The following CCDC15 variants were observed in gnomAD, a reference collection of about 807,000 sequenced individuals.
CCDC15 encodes the protein coiled-coil domain containing 15, also known as coiled-coil domain-containing protein 15.
A neutral mutation model predicts 114.5 loss-of-function variants in CCDC15; 105 were observed. That is an observed-to-expected ratio of 0.92 (90% confidence interval 0.78 to 1.08). The LOEUF (loss-of-function observed/expected upper bound fraction) is 1.08, where lower values mean the gene tolerates loss of function less well. Ranked by LOEUF, CCDC15 falls within the 50% of genes least tolerant of loss-of-function variation. The probability of loss-of-function intolerance (pLI) is 0.00; values close to 1 mark genes in which losing one functional copy is unlikely to be tolerated. For missense variants in CCDC15, 1,105 were observed against 1,093.6 expected, an observed-to-expected ratio of 1.01 and a Z score of -0.15; for synonymous variants, 334 against 377.8, an observed-to-expected ratio of 0.88 and a Z score of 1.34.
intron 2 of CCDC15, among the ~76,000 whole-genome samples, chr11:124,955,286 C>T (rs968061159): frequency 6.6e-6 from 1 of 152,130 alleles, no homozygotes; most frequent in African/African-American, 2.4e-5. Flanking sequence ...TGGCATACTT[C>T]AAGTAACATT....
At chr11:125,025,114 G>GAATATATA (rs1948691335) in intron 13 of CCDC15, among the ~76,000 whole-genome samples, 1 of 86,850 alleles carries the variant, frequency 1.2e-5, no homozygotes, top group South Asian at 3.1e-4. Context: ...ATGAATATAT[G>GAATATATA]TGAGTATATA....
chr11:124,967,061 C>G (rs993046812), intron 4 of CCDC15, among the ~76,000 whole-genome samples: 1 of 152,152 alleles, frequency 6.6e-6, no homozygotes, highest in Non-Finnish European at 1.5e-5. Flanking sequence ...CTCTGGCTGA[C>G]CTTAACATTT....
At chr11:124,975,474 A>T (rs1295296385) in intron 5 of CCDC15, among the ~76,000 whole-genome samples, 1 of 152,172 alleles carries the variant, frequency 6.6e-6, no homozygotes, top group African/African-American at 2.4e-5. Flanking sequence ...GTATGATATG[A>T]TCTTAATTAA....
chr11:124,968,794 C>T (rs77878825), intron 4 of CCDC15, among the ~76,000 whole-genome samples: 7,733 of 152,154 alleles, frequency 0.051, 221 homozygotes, highest in Middle Eastern at 0.082. Context: ...TTGGAATGGA[C>T]CCCCCAATTC....
rs906108875 is a variant in CCDC15 at position 124,966,463 on chromosome 11, C to CT, written c.516+6471dup. Among the ~76,000 whole-genome samples, 1,167 of 137,868 alleles carry CT rather than the reference C, an allele frequency of 8.5e-3. 16 individuals carry two copies. Among genetic ancestry groups the CT allele is most frequent in the Admixed American group, 0.028 (401 of 14,130 alleles). 90.4% of individuals were successfully genotyped at this position (137,868 alleles called of 152,430 possible). On this transcript the variant is annotated intron_variant, in intron 4 of 15. Coordinates refer to ENST00000344762, the MANE Select transcript of CCDC15 (RefSeq NM_025004.3). ...TCAGAGACTAGGATTGCAACCCCTG[C>CT]TTTTTTTTTTTGTTTGTTTTCCATT... is the stretch of plus-strand genomic sequence containing the variant.
At chr11:125,026,388 T>A (rs1948702691) in intron 13 of CCDC15, among the ~76,000 whole-genome samples, 1 of 152,202 alleles carries the variant, frequency 6.6e-6, no homozygotes, top group Non-Finnish European at 1.5e-5. Flanking sequence ...CCTAAGTGCC[T>A]TGATTCTCCC....
chr11:124,976,136 C>A (rs899119737), intron 5 of CCDC15, among the ~76,000 whole-genome samples: 1 of 150,632 alleles, frequency 6.6e-6, no homozygotes, highest in African/African-American at 2.4e-5. Flanking sequence ...TTTTTGCCAT[C>A]ATCAACTGCC....
chr11:125,040,872 G>T lies in CCDC15; in HGVS notation c.*161G>T. The T allele has an allele frequency of 5.8e-6, 4 of 685,010 alleles. No homozygotes were observed. The highest frequency in any genetic ancestry group is 7.1e-6 in the Non-Finnish European group (3 of 422,526). The allele number at this position is 685,010 out of a possible 1,614,324, so 42.4% of individuals were successfully genotyped here. ...TAATCATTGTTTTAATCTCTGTCTG[G>T]GAACCAAGATTGAAAGCTGACTTAC... On this transcript the variant is annotated 3_prime_UTR_variant, in exon 16 of 16. Coordinates refer to ENST00000344762, the MANE Select transcript of CCDC15 (RefSeq NM_025004.3).
At chr11:124,986,269 A>T (rs1383208766) in intron 6 of CCDC15, among the ~76,000 whole-genome samples, 2 of 152,158 alleles carry the variant, frequency 1.3e-5, no homozygotes, top group African/African-American at 4.8e-5. Flanking sequence ...AACTTTTGAA[A>T]TTGGGAGGAA....
At chr11:124,961,602 C>T (rs1947658151) in intron 4 of CCDC15, among the ~76,000 whole-genome samples, 1 of 152,190 alleles carries the variant, frequency 6.6e-6, no homozygotes, top group Non-Finnish European at 1.5e-5. Flanking sequence ...TCACTGCAAC[C>T]TCCTCCTCCT....
At chr11:124,990,619 A>C (rs771282686) in intron 8 of CCDC15, among the ~76,000 whole-genome samples, 1 of 152,246 alleles carries the variant, frequency 6.6e-6, no homozygotes, top group Non-Finnish European at 1.5e-5. Context: ...TGCTCTTACT[A>C]AATGTTAAAG....
At chr11:125,019,383 A>G (rs1461502678) in intron 13 of CCDC15, among the ~76,000 whole-genome samples, 1 of 151,954 alleles carries the variant, frequency 6.6e-6, no homozygotes, top group Non-Finnish European at 1.5e-5. Context: ...ACTTGTTTCA[A>G]TAACCTTTTA....
rs1948814672 is a variant in CCDC15, at chr11:125,041,147, T to G, written c.*436T>G. On this transcript the variant is annotated 3_prime_UTR_variant, in exon 16 of 16. Transcript: ENST00000344762. Reference sequence around the variant, plus strand: ...AGAGACCATCTATATTGCCATTACCTTTTCTAGTTGTATATAAGAATTCAA... The same window carrying G: ...AGAGACCATCTATATTGCCATTACCGTTTCTAGTTGTATATAAGAATTCAA... The G allele has an allele frequency of 6.5e-6, 1 of 153,114 alleles. No individual in the cohort carries two copies. Among genetic ancestry groups the G allele is most frequent in the African/African-American group, 2.4e-5 (1 of 41,490 alleles). The allele number at this position is 153,114 out of a possible 1,614,324, so 9.5% of individuals were successfully genotyped here. A position where few individuals can be genotyped will look rare whatever the true frequency, so the allele number is the denominator to read the frequency against.
chr11:124,992,505 A>C lies in CCDC15; in HGVS notation c.2032-75A>C, dbSNP rs1020971593. The C allele has an allele frequency of 3.3e-5, 27 of 809,590 alleles. No homozygotes were observed. The African/African-American group carries it at 4.6e-4, about 14-fold the overall frequency. The allele number at this position is 809,590 out of a possible 1,614,324, so 50.2% of individuals were successfully genotyped here. On this transcript the variant is annotated intron_variant, in intron 9 of 15. Coordinates refer to ENST00000344762, the MANE Select transcript of CCDC15 (RefSeq NM_025004.3). Reference sequence around the variant, plus strand: ...TTCATTTCTCTGGAGTTTTCACTGAAGCTTATGATATTATGATTAGCATTA... The same window carrying C: ...TTCATTTCTCTGGAGTTTTCACTGACGCTTATGATATTATGATTAGCATTA...
intron 7 of CCDC15, 60 bp downstream of exon 7, chr11:124,986,948 T>A: frequency 6.8e-7 from 1 of 1,461,410 alleles, no homozygotes; most frequent in Non-Finnish European, 9.1e-7. Flanking sequence ...CCAGTAATGT[T>A]GTACTGATTT....
chr11:124,972,976 T>C (rs778350786), intron 4 of CCDC15, among the ~76,000 whole-genome samples: 4 of 152,208 alleles, frequency 2.6e-5, no homozygotes, highest in African/African-American at 7.2e-5. Flanking sequence ...TTTTTTCTTA[T>C]AAAGTAATAT....
At chr11:125,021,090 T>TG (rs1361900695) in intron 13 of CCDC15, among the ~76,000 whole-genome samples, 3 of 151,714 alleles carry the variant, frequency 2.0e-5, no homozygotes, top group South Asian at 2.1e-4. Flanking sequence ...TAAAATCGCC[T>TG]GGGGGGAAGG....
intron 13 of CCDC15, among the ~76,000 whole-genome samples, chr11:125,013,448 T>G (rs80035622): frequency 2.0e-5 from 3 of 152,076 alleles, no homozygotes; most frequent in Non-Finnish European, 2.9e-5. Flanking sequence ...GCATATAGAA[T>G]AATCTAAAAA....
At chr11:124,997,757 C>T (rs919141761) in intron 11 of CCDC15, among the ~76,000 whole-genome samples, 10 of 152,104 alleles carry the variant, frequency 6.6e-5, no homozygotes, top group Non-Finnish European at 1.5e-4. Context: ...GACTTGCCAA[C>T]AAGGTGAAAC....
Sources: gnomAD v4.1 joint callset for allele counts (sites outside exome capture counted in the v4.1 genomes callset) on GRCh38, gnomAD v4.1.1 for gene constraint, MANE v1.5 for transcripts, NCBI Gene and HGNC (gene_info 2026-07-23, HGNC 2026-07-21) for gene names.